DNAH3: variants seen among roughly 807,000 people sequenced by gnomAD.
The protein encoded by DNAH3 is dynein axonemal heavy chain 3, also known as axonemal beta dynein heavy chain 3.
In DNAH3, 332 loss-of-function variants were observed where a neutral mutation model predicts 432.5. That is an observed-to-expected ratio of 0.77 (90% CI 0.70 to 0.84). The LOEUF (loss-of-function observed/expected upper bound fraction) is 0.84. DNAH3 is among the 40% of genes least tolerant of loss of function. The pLI, the probability that DNAH3 is intolerant of heterozygous loss-of-function variation, is 0.00. For synonymous variants in DNAH3, 1,956 were observed against 1,900.2 expected (o/e 1.03, Z -0.76); for missense variants, 4,861 against 5,114.0 (o/e 0.95, Z 1.51).
At chr16:21,060,821 G>T (rs1425784439) in intron 25 of DNAH3, among the ~76,000 whole-genome samples, 1 of 141,306 alleles carries the variant, frequency 7.1e-6, no homozygotes, top group African/African-American at 2.6e-5. Flanking sequence ...ACTGCGCCTG[G>T]TCTCTTCTTT....
chr16:21,106,791 G>A, intron 14 of DNAH3, 117 bp from the exon 15 acceptor site: 6 of 953,750 alleles, frequency 6.3e-6, no homozygotes, highest in Non-Finnish European at 7.1e-6. Context: ...GAAAAAAAAA[G>A]AAAATTTTTT....
intron 41 of DNAH3, among the ~76,000 whole-genome samples, chr16:21,010,902 G>T (rs74827570): frequency 0.038 from 4,906 of 128,756 alleles, 263 homozygotes; most frequent in African/African-American, 0.13. Context: ...TTTTTTTTTT[G>T]TTTTTTTTTG....
At chr16:20,938,347 G>A (rs577414016) in intron 59 of DNAH3, among the ~76,000 whole-genome samples, 4 of 151,280 alleles carry the variant, frequency 2.6e-5, no homozygotes, top group South Asian at 4.2e-4. Context: ...CTAAGATCAC[G>A]CCATTGCACT....
chr16:21,101,010 T>C (rs932003018), intron 16 of DNAH3, among the ~76,000 whole-genome samples: 4 of 152,122 alleles, frequency 2.6e-5, no homozygotes, highest in Non-Finnish European at 4.4e-5. Context: ...CACACACACA[T>C]ACAAACAACT....
intron 20 of DNAH3, among the ~76,000 whole-genome samples, chr16:21,077,698 G>T (rs539515852): frequency 6.7e-4 from 102 of 152,256 alleles, no homozygotes; most frequent in African/African-American, 2.3e-3. Flanking sequence ...CCGAGGTGTG[G>T]CAAAGAATTG....
chr16:21,152,932 C>G (rs1270164), intron 1 of DNAH3, among the ~76,000 whole-genome samples: 1 of 152,236 alleles, frequency 6.6e-6, no homozygotes, highest in Admixed American at 6.5e-5. Flanking sequence ...GCGCCACCCC[C>G]TGCTCCACGG....
Position 21,139,836 on chromosome 16 carries a change from G to A in DNAH3, c.696+700C>T, listed in dbSNP as rs375616325. Reference sequence around the variant, plus strand: ...GCTCTGTTGCCCATGCCGAAGTGCAGTGGCTCAATCTTGGCTCACTGCAAC... The same window carrying A: ...GCTCTGTTGCCCATGCCGAAGTGCAATGGCTCAATCTTGGCTCACTGCAAC... On this transcript the variant is annotated intron_variant, in intron 5 of 61. Transcript: ENST00000261383. Among the ~76,000 whole-genome samples, 5 of 133,584 alleles carry A rather than the reference G, an allele frequency of 3.7e-5. No individual in the cohort carries two copies. In the East Asian group the frequency reaches 7.0e-4, roughly 19 times the overall value. 87.6% of individuals were successfully genotyped at this position (133,584 alleles called of 152,430 possible).
At chr16:21,042,683 T>C (rs576138320) in intron 31 of DNAH3, among the ~76,000 whole-genome samples, 6 of 152,168 alleles carry the variant, frequency 3.9e-5, no homozygotes, top group Non-Finnish European at 5.9e-5. Flanking sequence ...TTCTTTTTTT[T>C]AATTATTATA....
intron 47 of DNAH3, among the ~76,000 whole-genome samples, chr16:20,986,070 G>T (rs567804747): frequency 2.6e-5 from 4 of 152,020 alleles, no homozygotes; most frequent in Admixed American, 1.3e-4. Flanking sequence ...GGCCAGGCTG[G>T]TCCTGAAACT....
rs192731199 is a variant in DNAH3, at chr16:21,080,777, C to T, written c.2969+859G>A. 1.8e-4 allele frequency among the ~76,000 whole-genome samples: 27 copies of T among 149,832 alleles called. No homozygotes were observed. In the East Asian group the frequency reaches 5.5e-3, roughly 31 times the overall value. ...GGCAATGCAACATCTCCCCACCCAT[C>T]GCCCTGAAGGAAGTGTGAAAAAGCA... On this transcript the variant is annotated intron_variant, in intron 20 of 61. Transcript: ENST00000261383.
intron 9 of DNAH3, 110 bp from the exon 11 acceptor site, chr16:21,122,234 A>G: frequency 1.1e-6 from 1 of 888,866 alleles, no homozygotes; most frequent in Admixed American, 2.3e-5. Context: ...AAGGCAATGA[A>G]GGGCATCATA....
intron 16 of DNAH3, 53 bp downstream of exon 16, chr16:21,104,418 T>C: frequency 6.6e-7 from 1 of 1,507,178 alleles, no homozygotes; most frequent in Non-Finnish European, 9.2e-7. Context: ...ACCTGCAGCA[T>C]GGGTGAAGAA....
chr16:21,083,366 C>T (rs1389484893), intron 19 of DNAH3, among the ~76,000 whole-genome samples: 2 of 152,148 alleles, frequency 1.3e-5, no homozygotes, highest in Non-Finnish European at 2.9e-5. Context: ...AGCAAGGAAC[C>T]CAGAAGTAGT....
chr16:21,156,811 T>C (rs953114004), intron 1 of DNAH3, among the ~76,000 whole-genome samples: 6 of 152,028 alleles, frequency 3.9e-5, no homozygotes, highest in African/African-American at 1.5e-4. Context: ...GAAGCATCTA[T>C]CACACAAAGA....
At chr16:21,103,489 C>G (rs1567796004) in intron 16 of DNAH3, among the ~76,000 whole-genome samples, 2 of 152,050 alleles carry the variant, frequency 1.3e-5, no homozygotes, top group African/African-American at 4.8e-5. Context: ...TTCCATCAGG[C>G]TAAGTTCTGG....
chr16:20,959,274 G>A (rs1486691100), exon 54 of DNAH3: 3 of 1,614,060 alleles, frequency 1.9e-6, no homozygotes, highest in Admixed American at 1.7e-5. Flanking sequence ...AGTTCTGTAA[G>A]ACCACCCAGG....
intron 19 of DNAH3, among the ~76,000 whole-genome samples, chr16:21,085,022 C>G (rs2091316950): frequency 6.7e-6 from 1 of 149,954 alleles, no homozygotes; most frequent in Admixed American, 6.7e-5. Flanking sequence ...GAGAGAGGCA[C>G]CCCGTGAGCA....
chr16:20,979,396 T>C, exon 50 of DNAH3: 3 of 1,614,174 alleles, frequency 1.9e-6, no homozygotes, highest in Non-Finnish European at 2.5e-6. Flanking sequence ...TAGCCACCTC[T>C]TGCCTCTTGC....
At chr16:21,008,516 C>T (rs924392396) in intron 41 of DNAH3, among the ~76,000 whole-genome samples, 1 of 152,124 alleles carries the variant, frequency 6.6e-6, no homozygotes, top group Non-Finnish European at 1.5e-5. Flanking sequence ...GCCCCACTCC[C>T]GAAGGATTCA....
Sources: gnomAD v4.1 joint callset for allele counts (sites outside exome capture counted in the v4.1 genomes callset) on GRCh38, gnomAD v4.1.1 for gene constraint, MANE v1.5 for transcripts, NCBI Gene and HGNC (gene_info 2026-07-23, HGNC 2026-07-21) for gene names.